MGAT4C: variants seen among roughly 807,000 people sequenced by gnomAD.
MGAT4C encodes MGAT4 family member C.
A neutral mutation model predicts 40.1 loss-of-function variants in MGAT4C; 19 were observed. That is an observed-to-expected ratio of 0.47 (90% CI 0.33 to 0.70). The LOEUF is 0.70. MGAT4C is among the 30% of genes least tolerant of loss of function. The pLI is 0.02. For synonymous variants in MGAT4C, 181 were observed against 187.1 expected, an observed-to-expected ratio of 0.97 and a Z score of 0.27; for missense variants, 491 against 563.2, an observed-to-expected ratio of 0.87 and a Z score of 1.30.
intron 2 of MGAT4C, among the ~76,000 whole-genome samples, chr12:86,435,498 T>C (rs890845169): frequency 5.3e-5 from 8 of 151,850 alleles, no homozygotes; most frequent in African/African-American, 1.9e-4. Flanking sequence ...TGTCTGAAAG[T>C]GTGGTCTAAG....
intron 1 of MGAT4C, among the ~76,000 whole-genome samples, chr12:86,776,776 G>A (rs545937419): frequency 2.6e-5 from 4 of 152,054 alleles, no homozygotes; most frequent in Admixed American, 2.0e-4. Context: ...TTTTGTACAC[G>A]TTAGATTACT....
In MGAT4C at chr12:86,493,564, G is replaced by T. The variant is rs569238358; in HGVS notation, c.-228-58299C>A. Among the ~76,000 whole-genome samples, 263 of 150,492 alleles carry T rather than the reference G, an allele frequency of 1.7e-3. 2 individuals carry two copies. Among genetic ancestry groups the T allele is most frequent in the African/African-American group, 6.1e-3 (249 of 40,914 alleles). On this transcript the variant is annotated intron_variant, in intron 2 of 7. Coordinates refer to the MGAT4C transcript ENST00000548651. ...TCGCAAGGACAAAAAACCAAACACT[G>T]CATTTTCTCACTCATAGGTGGGAAT...
At chr12:86,043,639 C>T (rs1220979372) in intron 2 of MGAT4C, among the ~76,000 whole-genome samples, 1 of 152,206 alleles carries the variant, frequency 6.6e-6, no homozygotes, top group Non-Finnish European at 1.5e-5. Context: ...CAGACACACA[C>T]AGGAACAATA....
intron 3 of MGAT4C, among the ~76,000 whole-genome samples, chr12:86,372,841 C>A (rs1322810202): frequency 6.6e-6 from 1 of 151,716 alleles, no homozygotes; most frequent in Non-Finnish European, 1.5e-5. Flanking sequence ...AGATTTGTCA[C>A]ACCCAAACTA....
intron 3 of MGAT4C, among the ~76,000 whole-genome samples, chr12:86,342,986 A>C (rs1260363691): frequency 6.6e-6 from 1 of 152,184 alleles, no homozygotes; most frequent in Admixed American, 6.6e-5. Context: ...AGTAATTCAA[A>C]AAAACTAAAG....
chr12:86,295,242 TAAA>T (rs967974416), intron 4 of MGAT4C, among the ~76,000 whole-genome samples: 6 of 152,212 alleles, frequency 3.9e-5, no homozygotes, highest in African/African-American at 1.4e-4. Context: ...AGTATTCTCT[TAAA>T]ATTCGATTTC....
intron 1 of MGAT4C, among the ~76,000 whole-genome samples, chr12:86,811,336 A>ATTTTTTTTTTTTTT (rs553885593): frequency 3.7e-5 from 4 of 106,946 alleles, no homozygotes; most frequent in Non-Finnish European, 3.9e-5. Context: ...CACTCATAGT[A>ATTTTTTTTTTTTTT]TTTTTTTTTT....
intron 3 of MGAT4C, among the ~76,000 whole-genome samples, chr12:86,386,491 T>A (rs1459606754): frequency 6.6e-6 from 1 of 152,220 alleles, no homozygotes; most frequent in Non-Finnish European, 1.5e-5. Context: ...TCTTGGACCG[T>A]TAATATTCAG....
chr12:86,733,397 C>G (rs1184002812), intron 1 of MGAT4C, among the ~76,000 whole-genome samples: 1 of 151,948 alleles, frequency 6.6e-6, no homozygotes, highest in Non-Finnish European at 1.5e-5. Flanking sequence ...AGCAAGTATC[C>G]TATGATCCCC....
At position 86,652,051 on chromosome 12, in the gene MGAT4C, A is replaced by G. The variant is rs938539452; in HGVS notation, c.-229+75158T>C. ...ATGATTACTTTTGAAATATTTTTAG[A>G]TGGTCATAACTTCATAATAAGTAGT... On this transcript the variant is annotated intron_variant, in intron 2 of 7. Transcript: ENST00000548651. Among the ~76,000 whole-genome samples the G allele has an allele frequency of 1.4e-4, 22 of 151,858 alleles. 1 individual carries two copies. Among genetic ancestry groups the G allele is most frequent in the South Asian group, 2.1e-4 (1 of 4,832 alleles).
At chr12:86,820,920 C>A (rs1952694245) in intron 1 of MGAT4C, among the ~76,000 whole-genome samples, 3 of 150,894 alleles carry the variant, frequency 2.0e-5, no homozygotes, top group South Asian at 2.1e-4. Context: ...CTATTTAGGG[C>A]AATAGGTAAA....
intron 3 of MGAT4C, among the ~76,000 whole-genome samples, chr12:86,404,820 T>A (rs971568995): frequency 6.6e-6 from 1 of 152,162 alleles, no homozygotes; most frequent in African/African-American, 2.4e-5. Flanking sequence ...GGACTGCCTT[T>A]GAAAGTAAAA....
At chr12:86,724,564 A>G (rs1426300284) in intron 2 of MGAT4C, among the ~76,000 whole-genome samples, 4 of 152,200 alleles carry the variant, frequency 2.6e-5, no homozygotes, top group Non-Finnish European at 5.9e-5. Context: ...ATAACTATTA[A>G]TAACTACCTG....
intron 2 of MGAT4C, among the ~76,000 whole-genome samples, chr12:86,673,949 G>T (rs938552785): frequency 6.6e-6 from 1 of 151,806 alleles, no homozygotes; most frequent in South Asian, 2.1e-4. Context: ...ACCTCTAATT[G>T]AACATTATAA....
At chr12:86,359,376 A>T (rs1955400013) in intron 3 of MGAT4C, among the ~76,000 whole-genome samples, 1 of 152,224 alleles carries the variant, frequency 6.6e-6, no homozygotes, top group Non-Finnish European at 1.5e-5. Flanking sequence ...GAGAAAGAGG[A>T]AAGATCTAAA....
chr12:86,297,840 T>G (rs1474602951), intron 4 of MGAT4C, among the ~76,000 whole-genome samples: 2 of 152,130 alleles, frequency 1.3e-5, no homozygotes, highest in African/African-American at 2.4e-5. Context: ...CCAACATACA[T>G]AAATAAAACA....
intron 1 of MGAT4C, among the ~76,000 whole-genome samples, chr12:86,050,380 T>C (rs1892784369): frequency 6.6e-6 from 1 of 152,050 alleles, no homozygotes; most frequent in African/African-American, 2.4e-5. Flanking sequence ...AAAGATAACA[T>C]GCCTTTAAAA....
At chr12:86,794,525 T>C (rs1158704641) in intron 1 of MGAT4C, among the ~76,000 whole-genome samples, 1 of 151,780 alleles carries the variant, frequency 6.6e-6, no homozygotes, top group Non-Finnish European at 1.5e-5. Flanking sequence ...CTAGAATATA[T>C]TACTATGATA....
At chr12:86,723,784 T>C (rs892056019) in intron 2 of MGAT4C, among the ~76,000 whole-genome samples, 1 of 152,224 alleles carries the variant, frequency 6.6e-6, no homozygotes, top group African/African-American at 2.4e-5. Flanking sequence ...TTTAAAGTAT[T>C]TCAATTAAAA....
Sources: allele counts gnomAD v4.1 joint callset (sites outside exome capture counted in the v4.1 genomes callset), GRCh38; gene constraint gnomAD v4.1.1; transcripts MANE v1.5; gene names NCBI Gene and HGNC (gene_info 2026-07-23, HGNC 2026-07-21).